KIF3A: variants seen among roughly 807,000 people sequenced by gnomAD.
KIF3A encodes kinesin family member 3A, also known as kinesin-like protein KIF3A.
A neutral mutation model predicts 92.6 loss-of-function variants in KIF3A; 27 were observed. The ratio of observed to expected loss-of-function variants is 0.29; its 90% CI spans 0.21 to 0.40. The LOEUF is 0.40. Ranked by LOEUF, KIF3A falls within the 10% of genes least tolerant of loss-of-function variation. The pLI, the probability that KIF3A is intolerant of heterozygous loss-of-function variation, is 1.00. For missense variants in KIF3A, 581 were observed against 872.6 expected (o/e 0.67, Z 4.21); for synonymous variants, 250 against 275.4 (o/e 0.91, Z 0.92).
intron 11 of KIF3A, among the ~76,000 whole-genome samples, chr5:132,705,971 T>G (rs1753195672): frequency 6.6e-6 from 1 of 152,032 alleles, no homozygotes; most frequent in South Asian, 2.1e-4. Flanking sequence ...AAATAAATAT[T>G]TTTAAAAGTT....
intron 15 of KIF3A, 31 bp downstream of exon 15, chr5:132,702,056 G>C: frequency 1.3e-6 from 2 of 1,582,946 alleles, no homozygotes; most frequent in Non-Finnish European, 1.7e-6. Context: ...CCAGTCAAGC[G>C]ACTATCTCGG....
intron 2 of KIF3A, among the ~76,000 whole-genome samples, chr5:132,729,003 T>C (rs770853880): frequency 9.9e-5 from 15 of 152,150 alleles, no homozygotes; most frequent in Admixed American, 2.0e-4. Context: ...CTAGAGACTA[T>C]TATTCTAAGA....
chr5:132,714,267 C>T (rs112538220), intron 8 of KIF3A, among the ~76,000 whole-genome samples: 3,925 of 152,026 alleles, frequency 0.026, 193 homozygotes, highest in African/African-American at 0.088. Context: ...TGGCCAGGAA[C>T]TAGGGGAAGG....
chr5:132,705,325 C>CA (rs1364865187), intron 11 of KIF3A, among the ~76,000 whole-genome samples: 8 of 151,808 alleles, frequency 5.3e-5, no homozygotes, highest in African/African-American at 1.9e-4. Context: ...TATTTAAAGA[C>CA]AAAATGGGAC....
At chr5:132,712,665 T>C (rs762113341) in intron 8 of KIF3A, among the ~76,000 whole-genome samples, 2 of 152,170 alleles carry the variant, frequency 1.3e-5, no homozygotes, top group Non-Finnish European at 2.9e-5. Flanking sequence ...CCCCACAAGA[T>C]ACATGTTAAT....
downstream of KIF3A, among the ~76,000 whole-genome samples, chr5:132,690,656 G>C (rs946067596): frequency 1.5e-4 from 5 of 33,152 alleles, no homozygotes; most frequent in African/African-American, 2.8e-4. Context: ...GGCCGGGCGC[G>C]GTGGCTCATG....
At chr5:132,705,972 T>C (rs2149897641) in intron 11 of KIF3A, among the ~76,000 whole-genome samples, 1 of 152,206 alleles carries the variant, frequency 6.6e-6, no homozygotes, top group African/African-American at 2.4e-5. Context: ...AATAAATATT[T>C]TTAAAAGTTA....
At chr5:132,708,613 A>G (rs1018527060) in intron 10 of KIF3A, among the ~76,000 whole-genome samples, 2 of 152,248 alleles carry the variant, frequency 1.3e-5, no homozygotes, top group South Asian at 4.1e-4. Context: ...AAAAATAAGC[A>G]TAAGAATTAT....
chr5:132,707,669 G>C (rs187502025), intron 10 of KIF3A, among the ~76,000 whole-genome samples: 2 of 152,228 alleles, frequency 1.3e-5, no homozygotes, highest in Admixed American at 1.3e-4. Context: ...ATTGTCAATA[G>C]AGAAGGAGAT....
chr5:132,717,302 T>C (rs1283498479), intron 5 of KIF3A, among the ~76,000 whole-genome samples: 1 of 152,218 alleles, frequency 6.6e-6, no homozygotes, highest in Non-Finnish European at 1.5e-5. Context: ...ATTGCTGATT[T>C]AGCTATCTAA....
At chr5:132,692,353 T>C (rs1487517280), downstream of KIF3A, 2 of 152,212 alleles carry the variant, frequency 1.3e-5, no homozygotes, top group Admixed American at 6.5e-5. Context: ...AAATAATCTG[T>C]ACAACAAAAC....
In KIF3A at chr5:132,699,273, T is replaced by C. The variant is rs754262168; in HGVS notation, c.2030A>G (p.His677Arg). The C allele has an allele frequency of 6.2e-7, 1 of 1,613,786 alleles. No individual in the cohort carries two copies. Among genetic ancestry groups the C allele is most frequent in the Non-Finnish European group, 8.5e-7 (1 of 1,179,836 alleles). ...EKDPFEVDLSHVYLAYTEESL... is the reference protein window; with the variant it reads ...EKDPFEVDLSRVYLAYTEESL... ...CTCCTCAGTATAGGCAAGATACACG[T>C]GAGAAAGGTCCACCTCAAAGGGCTA... The change falls in exon 18 of 19, where the codon CAC (histidine) becomes CGC (arginine). Residue 677 changes from histidine to arginine, a missense_variant. Coordinates refer to ENST00000403231, the MANE Select transcript of KIF3A (RefSeq NM_001300791.2).
intron 1 of KIF3A, chr5:132,736,944 A>G (rs1277014827): frequency 4.3e-5 from 14 of 328,706 alleles, no homozygotes; most frequent in Non-Finnish European, 4.2e-5. Flanking sequence ...CACAAGAGCA[A>G]TGACAGCTCA....
chr5:132,731,987 C>A (rs1331513643), intron 2 of KIF3A, among the ~76,000 whole-genome samples: 1 of 152,042 alleles, frequency 6.6e-6, no homozygotes, highest in African/African-American at 2.4e-5. Context: ...GGATTACAGG[C>A]GTGAGCCACT....
At chr5:132,700,575 T>C (rs1017941714) in intron 16 of KIF3A, 72 bp downstream of exon 16, 1 of 1,030,044 alleles carries the variant, frequency 9.7e-7, no homozygotes, top group Non-Finnish European at 1.5e-6. Context: ...CTCCCCACTG[T>C]AGCCAGCACA....
chr5:132,734,177 G>T, intron 2 of KIF3A, 28 bp downstream of exon 2: 15 of 1,569,478 alleles, frequency 9.6e-6, no homozygotes, highest in Non-Finnish European at 1.3e-5. Flanking sequence ...CAATAAGGGA[G>T]TTTTTTAAAA....
rs940500369 is a variant in KIF3A, at chr5:132,694,377, G to A, written c.*2257C>T. Reference sequence around the variant, plus strand: ...AGCCTAGGTAATAGAGCCAGACTCCGTCTCCAAACAAAAAACAAACACCCC... The same window carrying A: ...AGCCTAGGTAATAGAGCCAGACTCCATCTCCAAACAAAAAACAAACACCCC... On this transcript the variant is annotated 3_prime_UTR_variant, in exon 19 of 19. Transcript: ENST00000403231. 4 of 152,164 alleles carry A rather than the reference G, an allele frequency of 2.6e-5. No individual in the cohort carries two copies. The highest frequency in any genetic ancestry group is 7.2e-5 in the African/African-American group (3 of 41,440). The allele number at this position is 152,164 out of a possible 1,614,324, so 9.4% of individuals were successfully genotyped here. A position where few individuals can be genotyped will look rare whatever the true frequency, so the allele number is the denominator to read the frequency against.
chr5:132,701,739 A>AT (rs1475315501), intron 15 of KIF3A, among the ~76,000 whole-genome samples: 1 of 152,070 alleles, frequency 6.6e-6, no homozygotes, highest in Non-Finnish European at 1.5e-5. Flanking sequence ...ATATTTTACC[A>AT]TATACACACA....
intron 4 of KIF3A, among the ~76,000 whole-genome samples, chr5:132,724,368 C>T (rs1314691892): frequency 6.6e-6 from 1 of 152,108 alleles, no homozygotes; most frequent in Non-Finnish European, 1.5e-5. Flanking sequence ...GCACTACTCA[C>T]AATAGCAAAG....
Sources: allele counts gnomAD v4.1 joint callset (sites outside exome capture counted in the v4.1 genomes callset), GRCh38; gene constraint gnomAD v4.1.1; transcripts MANE v1.5; gene names NCBI Gene and HGNC (gene_info 2026-07-23, HGNC 2026-07-21).